The following LRRC18 variants were observed in gnomAD, a reference collection of about 807,000 sequenced individuals.
The protein encoded by LRRC18 is leucine rich repeat containing 18, also known as leucine-rich repeat-containing protein 18.
Under a neutral mutation model 11.2 loss-of-function variants are expected in LRRC18, and 12 were observed. That is an observed-to-expected ratio of 1.07 (90% confidence interval 0.69 to 1.74). LRRC18 has a LOEUF of 1.74. Among genes scored for constraint, LRRC18 ranks in the 40% most tolerant of loss-of-function variants. LRRC18 has a pLI of 0.00. For missense variants in LRRC18, 374 were observed against 330.5 expected (o/e 1.13, Z -1.02); for synonymous variants, 155 against 130.6 (o/e 1.19, Z -1.27).
chr10:48,933,677 A>C, the LRRC18 span, among the ~76,000 whole-genome samples: 2 of 152,166 alleles, frequency 1.3e-5, no homozygotes, highest in African/African-American at 4.8e-5. Context: ...ATTATATGAT[A>C]CTAGTAGGGA....
rs200248208 is a variant in LRRC18, at chr10:48,910,270, G to A, written c.765-12C>T. 1 of 1,613,124 alleles carries A rather than the reference G, an allele frequency of 6.2e-7. No individual in the cohort carries two copies. The highest frequency in any genetic ancestry group is 1.3e-5 in the African/African-American group (1 of 74,910). On this transcript the variant is annotated splice_polypyrimidine_tract_variant and intron_variant, in intron 1 of 1. Transcript: ENST00000374160. ...ATGTCAAGCGTATTCTGGGGATGGAGACACAAGAAGGTGAGGCAATTGCTC... is the reference window on the plus strand; with the variant it reads ...ATGTCAAGCGTATTCTGGGGATGGAAACACAAGAAGGTGAGGCAATTGCTC...
chr10:48,929,393 T>C, the LRRC18 span, among the ~76,000 whole-genome samples: 1 of 152,160 alleles, frequency 6.6e-6, no homozygotes, highest in African/African-American at 2.4e-5. Context: ...AGGAAGCTAT[T>C]GTGTCCTGGA....
intron 1 of LRRC18, 30 bp from the exon 4 acceptor site, chr10:48,910,288 A>T: frequency 6.2e-7 from 1 of 1,610,560 alleles, no homozygotes; most frequent in South Asian, 1.1e-5. Context: ...AAGGTGAGGC[A>T]ATTGCTCCAG....
At chr10:48,919,261 A>C in the LRRC18 span, among the ~76,000 whole-genome samples, 2 of 152,232 alleles carry the variant, frequency 1.3e-5, no homozygotes, top group Non-Finnish European at 2.9e-5. Context: ...TAAAGGGATA[A>C]TAAGAGAACA....
exon 1 of LRRC18, chr10:48,913,700 A>G: frequency 6.2e-7 from 1 of 1,612,840 alleles, no homozygotes; most frequent in Non-Finnish European, 8.5e-7. Context: ...GTAGGTTGTC[A>G]TGGAGCCCTA....
chr10:48,928,659 T>C, the LRRC18 span, among the ~76,000 whole-genome samples: 2 of 152,232 alleles, frequency 1.3e-5, no homozygotes, highest in Non-Finnish European at 1.5e-5. Context: ...GAATTCTTTC[T>C]GCACTTCACA....
chr10:48,909,958 T>A (rs1392511607), exon 2 of LRRC18: 4 of 460,634 alleles, frequency 8.7e-6, no homozygotes, highest in South Asian at 6.6e-5. Flanking sequence ...TATTTAGTTG[T>A]CTATAATATA....
the LRRC18 span, among the ~76,000 whole-genome samples, chr10:48,934,219 A>G: frequency 6.6e-6 from 1 of 152,226 alleles, no homozygotes; most frequent in Admixed American, 6.5e-5. Context: ...GTTGTTGATA[A>G]ATGTATGGAG....
At chr10:48,918,074 C>T (rs1838714770), upstream of LRRC18, among the ~76,000 whole-genome samples, 1 of 151,762 alleles carries the variant, frequency 6.6e-6, no homozygotes. Flanking sequence ...ATCACTAAGG[C>T]AATATATAAA....
At chr10:48,918,496 T>C (rs1030439541), upstream of LRRC18, among the ~76,000 whole-genome samples, 1 of 152,176 alleles carries the variant, frequency 6.6e-6, no homozygotes, top group African/African-American at 2.4e-5. Flanking sequence ...TACTTATTAA[T>C]AAAATGATCA....
At chr10:48,909,860 T>A (rs1217382650) in exon 2 of LRRC18, 1 of 199,038 alleles carries the variant, frequency 5.0e-6, no homozygotes, top group Non-Finnish European at 1.0e-5. Flanking sequence ...TATACCTACA[T>A]AAATTTATCA....
chr10:48,936,500 A>G, the LRRC18 span, among the ~76,000 whole-genome samples: 8 of 152,214 alleles, frequency 5.3e-5, no homozygotes. Context: ...AATATACAAG[A>G]TAAATACATT....
At chr10:48,919,960 G>C in the LRRC18 span, among the ~76,000 whole-genome samples, 2 of 152,118 alleles carry the variant, frequency 1.3e-5, no homozygotes, top group African/African-American at 4.8e-5. Flanking sequence ...ATAAGAAAGA[G>C]ATCTTCAGAC....
intron 1 of LRRC18, 35 bp downstream of exon 3, chr10:48,913,357 T>C (rs749793225): frequency 2.6e-5 from 42 of 1,589,826 alleles, no homozygotes; most frequent in Admixed American, 3.4e-5. Flanking sequence ...TCCCTCTCTC[T>C]TTCCCTTCTG....
At chr10:48,916,767 T>C, upstream of LRRC18, among the ~76,000 whole-genome samples, 1 of 152,308 alleles carries the variant, frequency 6.6e-6, no homozygotes, top group South Asian at 2.1e-4. Flanking sequence ...AGAGGTGATT[T>C]CTTCATTGTG....
chr10:48,931,575 A>T, the LRRC18 span, among the ~76,000 whole-genome samples: 233 of 152,284 alleles, frequency 1.5e-3, 3 homozygotes, highest in Non-Finnish European at 1.5e-3. Flanking sequence ...CTCCATCCAG[A>T]GGTGAAGAAC....
At chr10:48,923,170 C>A in the LRRC18 span, among the ~76,000 whole-genome samples, 1 of 152,148 alleles carries the variant, frequency 6.6e-6, no homozygotes, top group African/African-American at 2.4e-5. Flanking sequence ...CCCACACAAC[C>A]AGTTCTGCCC....
the LRRC18 span, among the ~76,000 whole-genome samples, chr10:48,929,042 G>T: frequency 6.6e-6 from 1 of 152,200 alleles, no homozygotes; most frequent in East Asian, 1.9e-4. Context: ...ATAGAGATTA[G>T]AAGAGAAGAG....
At chr10:48,937,697 G>A in the LRRC18 span, among the ~76,000 whole-genome samples, 4 of 152,220 alleles carry the variant, frequency 2.6e-5, no homozygotes, top group African/African-American at 9.6e-5. Flanking sequence ...TTAGGGAAAT[G>A]AAAAGCGATA....
Sources: allele counts gnomAD v4.1 joint callset (sites outside exome capture counted in the v4.1 genomes callset), GRCh38; gene constraint gnomAD v4.1.1; transcripts MANE v1.5; gene names NCBI Gene and HGNC (gene_info 2026-07-23, HGNC 2026-07-21).